Variants in RBFOX1 observed in about 807,000 individuals in gnomAD.
RBFOX1 encodes RNA binding protein fox-1 homolog 1.
RBFOX1 carries 8 observed loss-of-function variants against 57.7 expected under a neutral mutation model. That is an observed-to-expected ratio of 0.14 (90% CI 0.08 to 0.25). The LOEUF (loss-of-function observed/expected upper bound fraction) is 0.25, where lower values mean the gene tolerates loss of function less well. Ranked by LOEUF, RBFOX1 falls within the 10% of genes least tolerant of loss-of-function variation. RBFOX1 has a pLI of 1.00. For synonymous variants in RBFOX1, 326 were observed against 222.4 expected (o/e 1.47, Z -4.15); for missense variants, 611 against 548.5 (o/e 1.11, Z -1.14).
intron 10 of RBFOX1, among the ~76,000 whole-genome samples, chr16:7,610,139 T>TTTTTTTTTTTTTTTTTTTTTGG (rs2057174916): frequency 7.8e-6 from 1 of 127,722 alleles, no homozygotes; most frequent in Non-Finnish European, 1.7e-5. Context: ...TTTTTTTTTT[T>TTTTTTTTTTTTTTTTTTTTTGG]GAGGCAGTTT....
intron 5 of RBFOX1, among the ~76,000 whole-genome samples, chr16:7,550,371 G>A (rs2085966133): frequency 6.6e-6 from 1 of 152,016 alleles, no homozygotes; most frequent in African/African-American, 2.4e-5. Flanking sequence ...TGGGGCTATA[G>A]AGGCAGCTGT....
At chr16:6,371,227 C>T (rs543898303) in intron 2 of RBFOX1, among the ~76,000 whole-genome samples, 1 of 152,136 alleles carries the variant, frequency 6.6e-6, no homozygotes, top group Non-Finnish European at 1.5e-5. Flanking sequence ...GATTTGTCAT[C>T]AATCCTTCAT....
rs35350222 is a variant in RBFOX1, at chr16:6,807,896, T to TTG, written c.-16+153264_-16+153265dup. Among the ~76,000 whole-genome samples, 332 of 148,426 alleles carry TTG rather than the reference T, an allele frequency of 2.2e-3. 2 individuals carry two copies. Among genetic ancestry groups the TTG allele is most frequent in the South Asian group, 9.5e-3 (45 of 4,760 alleles). ...ATCTAGTTCTGTTGAATATATATTA[T>TTG]TGTGTGTGTGTGTGTGTGTATATAT... On this transcript the variant is annotated intron_variant, in intron 3 of 15. Transcript: ENST00000550418.
At chr16:7,315,464 C>G (rs1257841523) in intron 4 of RBFOX1, among the ~76,000 whole-genome samples, 1 of 151,534 alleles carries the variant, frequency 6.6e-6, no homozygotes, top group Non-Finnish European at 1.5e-5. Context: ...CTACCCCCCC[C>G]CCCATACTGG....
chr16:7,049,065 G>A (rs2049035003), intron 3 of RBFOX1, among the ~76,000 whole-genome samples: 1 of 152,120 alleles, frequency 6.6e-6, no homozygotes, highest in African/African-American at 2.4e-5. Context: ...CATGAGCACA[G>A]AGGTCAGTGC....
chr16:5,824,291 A>T (rs1364321224), intron 3 of RBFOX1, among the ~76,000 whole-genome samples: 1 of 152,158 alleles, frequency 6.6e-6, no homozygotes, highest in African/African-American at 2.4e-5. Context: ...AGCTGAGTGG[A>T]TGGTAGAAGG....
At chr16:6,577,536 A>C (rs1231422398) in intron 2 of RBFOX1, among the ~76,000 whole-genome samples, 1 of 152,192 alleles carries the variant, frequency 6.6e-6, no homozygotes, top group East Asian at 1.9e-4. Flanking sequence ...TAACACAACA[A>C]AGGTTTATTT....
intron 1 of RBFOX1, among the ~76,000 whole-genome samples, chr16:5,438,858 C>G (rs1013278840): frequency 6.6e-6 from 1 of 151,934 alleles, no homozygotes; most frequent in Non-Finnish European, 1.5e-5. Flanking sequence ...CACCACGAGT[C>G]GAGTAGGAGG....
intron 6 of RBFOX1, among the ~76,000 whole-genome samples, chr16:7,584,614 A>G (rs2093996209): frequency 2.6e-5 from 4 of 152,134 alleles, no homozygotes. Flanking sequence ...TGATACAGCT[A>G]TTGAGAAACT....
intron 4 of RBFOX1, among the ~76,000 whole-genome samples, chr16:7,342,884 A>G (rs867378534): frequency 6.6e-6 from 1 of 152,310 alleles, no homozygotes; most frequent in East Asian, 1.9e-4. Context: ...TCAGGGGGCC[A>G]TGTCATTCTC....
chr16:5,742,749 G>A (rs992687596), intron 3 of RBFOX1, among the ~76,000 whole-genome samples: 1 of 152,212 alleles, frequency 6.6e-6, no homozygotes, highest in African/African-American at 2.4e-5. Flanking sequence ...TTTACGTCTA[G>A]ATAGCGTTTA....
chr16:6,096,851 C>G (rs796929133), intron 1 of RBFOX1, among the ~76,000 whole-genome samples: 2 of 152,206 alleles, frequency 1.3e-5, no homozygotes, highest in Non-Finnish European at 2.9e-5. Context: ...CATCAGCCTC[C>G]GCTGGGAAGG....
chr16:7,695,465 C>A (rs573997418), intron 14 of RBFOX1, among the ~76,000 whole-genome samples: 1 of 151,854 alleles, frequency 6.6e-6, no homozygotes, highest in Non-Finnish European at 1.5e-5. Flanking sequence ...CCAGCCTGGC[C>A]AACATGGTGA....
Position 7,442,307 on chromosome 16 carries a change from A to T in RBFOX1, c.28-75840A>T, listed in dbSNP as rs188130573. On this transcript the variant is annotated intron_variant, in intron 4 of 15. Coordinates refer to ENST00000550418, the MANE Select transcript of RBFOX1 (RefSeq NM_018723.4). The stretch of plus-strand genomic sequence containing the variant: ...CTGGATTCCCTCCTCTGCCTTCTCC[A>T]GCAGCAGTCCGTCTCCCAGCACAGC... 1.1e-3 allele frequency among the ~76,000 whole-genome samples: 173 copies of T among 152,252 alleles called. 1 individual carries two copies. The highest frequency in any genetic ancestry group is 3.8e-3 in the African/African-American group (158 of 41,552).
intron 3 of RBFOX1, among the ~76,000 whole-genome samples, chr16:5,634,246 G>T (rs1002054450): frequency 2.0e-5 from 3 of 152,194 alleles, no homozygotes; most frequent in African/African-American, 7.2e-5. Context: ...GGCAAAGCCT[G>T]AAGTCTTGTC....
At chr16:5,643,170 A>G (rs1388211341) in intron 3 of RBFOX1, among the ~76,000 whole-genome samples, 1 of 152,210 alleles carries the variant, frequency 6.6e-6, no homozygotes, top group Non-Finnish European at 1.5e-5. Flanking sequence ...GCATGAAAAA[A>G]AATGACATCA....
chr16:7,557,925 G>A (rs926565924), intron 5 of RBFOX1, among the ~76,000 whole-genome samples: 2 of 152,046 alleles, frequency 1.3e-5, no homozygotes, highest in African/African-American at 2.4e-5. Context: ...ATATGCAGAA[G>A]TGGACCATCA....
chr16:6,282,470 T>C (rs1223031573), intron 1 of RBFOX1, among the ~76,000 whole-genome samples: 1 of 151,602 alleles, frequency 6.6e-6, no homozygotes, highest in African/African-American at 2.4e-5. Context: ...GCTGCACCTG[T>C]CAACCTGTCA....
chr16:7,134,150 G>A (rs943282260), intron 4 of RBFOX1, among the ~76,000 whole-genome samples: 1 of 152,124 alleles, frequency 6.6e-6, no homozygotes, highest in Non-Finnish European at 1.5e-5. Context: ...ACGGTGGTCA[G>A]CAGAGAGGGG....
Sources: allele counts gnomAD v4.1 joint callset (sites outside exome capture counted in the v4.1 genomes callset), GRCh38; gene constraint gnomAD v4.1.1; transcripts MANE v1.5; gene names NCBI Gene and HGNC (gene_info 2026-07-23, HGNC 2026-07-21).